The following EGFL6 variants were observed in gnomAD, a reference collection of about 807,000 sequenced individuals.
EGFL6 encodes the protein EGF like domain multiple 6, also known as epidermal growth factor-like protein 6.
Under a neutral mutation model 43.1 loss-of-function variants are expected in EGFL6, and 42 were observed. The ratio of observed to expected loss-of-function variants is 0.98; its 90% confidence interval spans 0.76 to 1.26. The LOEUF is 1.26. Among genes scored for constraint, EGFL6 ranks in the 50% most tolerant of loss-of-function variants. The pLI, the probability that EGFL6 is intolerant of heterozygous loss-of-function variation, is 0.00. For synonymous variants in EGFL6, 164 were observed against 163.2 expected (o/e 1.01, Z -0.04); for missense variants, 429 against 427.8 (o/e 1.00, Z -0.02).
intron 2 of EGFL6, among the ~76,000 whole-genome samples, chrX:13,591,743 A>C (rs1447180182): frequency 9.1e-6 from 1 of 109,957 alleles, no homozygotes; most frequent in Admixed American, 9.7e-5. Flanking sequence ...TTTGCCCTTC[A>C]CTCCTTTTGA....
chrX:13,623,082 G>A (rs891194371), intron 9 of EGFL6, among the ~76,000 whole-genome samples: 3 of 110,019 alleles, frequency 2.7e-5, no homozygotes, highest in Non-Finnish European at 5.7e-5. Flanking sequence ...CCAGCTACTC[G>A]GGAAGCTGAA....
intron 3 of EGFL6, among the ~76,000 whole-genome samples, chrX:13,595,283 TTATAAG>T (rs758307641): frequency 5.4e-5 from 6 of 112,128 alleles, no homozygotes; most frequent in East Asian, 2.8e-4. Context: ...TACCTATGTA[TTATAAG>T]TATATTTTTA....
chrX:13,625,466 C>T (rs2045773462), intron 10 of EGFL6, among the ~76,000 whole-genome samples: 1 of 110,374 alleles, frequency 9.1e-6, no homozygotes, highest in Non-Finnish European at 1.9e-5. Context: ...GGTGGATTAC[C>T]TGAGGTCAGG....
In EGFL6 at chrX:13,571,201, G is replaced by A. The variant is rs1001393069; in HGVS notation, c.74+1266G>A. On this transcript the variant is annotated intron_variant, in intron 1 of 11. Coordinates refer to ENST00000361306, the MANE Select transcript of EGFL6 (RefSeq NM_015507.4). ...CTGGAGGGCACAATTGCTCCTAGCG[G>A]AGACTGCTGAACTATAGAAATTTTT... Among the ~76,000 whole-genome samples, 16 of 106,925 alleles carry A rather than the reference G, an allele frequency of 1.5e-4. No homozygotes were observed. The Admixed American group carries it at 1.6e-3, about 11-fold the overall frequency. The allele number at this position is 106,925 out of a possible 115,157, so 92.9% of individuals were successfully genotyped here.
Position 13,633,203 on chromosome X carries a change from T to A in EGFL6, c.*108T>A. ...AATTACTAGCTGAAAAATTGTAATG[T>A]ACCAACAGAAATATTATTGTAAGAT... On this transcript the variant is annotated 3_prime_UTR_variant, in exon 12 of 12. Transcript: ENST00000361306. 1 of 590,256 alleles carries A rather than the reference T, an allele frequency of 1.7e-6. No individual in the cohort carries two copies. The highest frequency in any genetic ancestry group is 2.6e-6 in the Non-Finnish European group (1 of 387,704). 48.6% of individuals were successfully genotyped at this position (590,256 alleles called of 1,213,427 possible).
At chrX:13,610,430 G>A (rs1260906470) in intron 7 of EGFL6, among the ~76,000 whole-genome samples, 2 of 111,314 alleles carry the variant, frequency 1.8e-5, no homozygotes, top group Non-Finnish European at 3.8e-5. Flanking sequence ...GCATTGGGCT[G>A]GAGATGGTAT....
chrX:13,609,329 A>T (rs1195887146), intron 7 of EGFL6, among the ~76,000 whole-genome samples: 1 of 112,525 alleles, frequency 8.9e-6, no homozygotes, highest in African/African-American at 3.2e-5. Flanking sequence ...AAATAATATT[A>T]AACTTGCTGT....
chrX:13,580,711 A>G (rs975391713), intron 1 of EGFL6, among the ~76,000 whole-genome samples: 4 of 111,885 alleles, frequency 3.6e-5, no homozygotes, highest in African/African-American at 1.3e-4. Flanking sequence ...CCTCTAGTCC[A>G]TGCTCCAAAG....
At chrX:13,608,520 A>C in intron 7 of EGFL6, 74 bp downstream of exon 7, 1 of 1,112,497 alleles carries the variant, frequency 9.0e-7, no homozygotes, top group Non-Finnish European at 1.2e-6. Flanking sequence ...TCCTCCCTCT[A>C]TTTCTCTCCT....
At chrX:13,612,374 A>C (rs1391693652) in intron 7 of EGFL6, among the ~76,000 whole-genome samples, 1 of 94,453 alleles carries the variant, frequency 1.1e-5, no homozygotes, top group African/African-American at 3.9e-5. Context: ...GTAAGGTTAT[A>C]GATTAACAGC....
intron 5 of EGFL6, among the ~76,000 whole-genome samples, chrX:13,605,868 C>T (rs773306055): frequency 8.9e-6 from 1 of 112,640 alleles, no homozygotes; most frequent in Admixed American, 9.4e-5. Context: ...AACCACATTT[C>T]TGTGAGTCAA....
At chrX:13,625,704 A>T (rs1452357197) in intron 10 of EGFL6, among the ~76,000 whole-genome samples, 11 of 109,229 alleles carry the variant, frequency 1.0e-4, no homozygotes, top group Non-Finnish European at 1.5e-4. Context: ...AATAAATAAA[A>T]AATAAAACAC....
At chrX:13,615,442 T>C (rs1039145498) in intron 7 of EGFL6, among the ~76,000 whole-genome samples, 2 of 112,135 alleles carry the variant, frequency 1.8e-5, no homozygotes, top group African/African-American at 6.5e-5. Flanking sequence ...GGGTTTCCTG[T>C]TAATTTTTCT....
intron 7 of EGFL6, among the ~76,000 whole-genome samples, chrX:13,615,105 A>T (rs769420684): frequency 2.7e-5 from 3 of 112,546 alleles, no homozygotes; most frequent in Admixed American, 9.4e-5. Context: ...ATAAATCTTT[A>T]AGAGAAAACC....
intron 1 of EGFL6, among the ~76,000 whole-genome samples, chrX:13,574,475 A>C (rs1030416214): frequency 1.8e-5 from 2 of 111,974 alleles, no homozygotes; most frequent in East Asian, 2.8e-4. Flanking sequence ...TGTGGACTGA[A>C]TTGTGTACTC....
chrX:13,573,256 G>C (rs1052646332), intron 1 of EGFL6, among the ~76,000 whole-genome samples: 1 of 111,818 alleles, frequency 8.9e-6, no homozygotes, highest in African/African-American at 3.3e-5. Flanking sequence ...GGAAGCCTGA[G>C]CTGTAAGTCT....
At chrX:13,585,610 A>G (rs1264723572) in intron 1 of EGFL6, among the ~76,000 whole-genome samples, 1 of 110,769 alleles carries the variant, frequency 9.0e-6, no homozygotes, top group African/African-American at 3.3e-5. Flanking sequence ...TCCTATTGTG[A>G]TTGGGGAGCA....
At chrX:13,625,885 CA>C (rs755901799) in intron 10 of EGFL6, among the ~76,000 whole-genome samples, 31 of 30,878 alleles carry the variant, frequency 1.0e-3, no homozygotes, top group Non-Finnish European at 1.3e-3. Context: ...GACCCTGCCT[CA>C]AAAAAAAAAA....
rs1390663778 is a variant in EGFL6 at position 13,627,190 on chromosome X, C to T, written c.1465C>T (p.Leu489=). ...GTTTGTGAAAAACAGTAACAATGCC[C>T]TGGCATGGGAGAAGACCACGAGTGA... ...RVFVKNSNNA[L]AWEKTTSEDE... is the part of the protein sequence containing the mutation. Residue 489 remains leucine, a synonymous_variant, in exon 11 of 12, where the codon CTG becomes TTG. Transcript: ENST00000361306. The T allele has an allele frequency of 1.7e-6, 2 of 1,210,705 alleles. No individual in the cohort carries two copies. Among genetic ancestry groups the T allele is most frequent in the Non-Finnish European group, 2.2e-6 (2 of 895,395 alleles).
Sources: allele counts gnomAD v4.1 joint callset (sites outside exome capture counted in the v4.1 genomes callset), GRCh38; gene constraint gnomAD v4.1.1; transcripts MANE v1.5; gene names NCBI Gene and HGNC (gene_info 2026-07-23, HGNC 2026-07-21).